The following CHAT variants were observed in gnomAD, a reference collection of about 807,000 sequenced individuals.
The protein encoded by CHAT is acetyl CoA:choline O-acetyltransferase.
A neutral mutation model predicts 76.9 loss-of-function variants in CHAT; 61 were observed. That is an observed-to-expected ratio of 0.79 (90% CI 0.65 to 0.98). CHAT has a LOEUF of 0.98. Among genes scored for constraint, CHAT ranks in the 50% least tolerant of loss-of-function variants. The probability of loss-of-function intolerance (pLI) is 0.00; values close to 1 mark genes in which losing one functional copy is unlikely to be tolerated. For missense variants in CHAT, 946 were observed against 986.9 expected, an observed-to-expected ratio of 0.96 and a Z score of 0.56; for synonymous variants, 407 against 397.4, an observed-to-expected ratio of 1.02 and a Z score of -0.29.
At chr10:49,616,038 T>A (rs752801376) in intron 1 of CHAT, 1 of 1,613,846 alleles carries the variant, frequency 6.2e-7, no homozygotes, top group East Asian at 2.2e-5. Context: ...GAATTCACCC[T>A]ACTCCACACC....
chr10:49,635,234 G>A (rs1839257974), intron 7 of CHAT, among the ~76,000 whole-genome samples: 1 of 152,172 alleles, frequency 6.6e-6, no homozygotes, highest in Admixed American at 6.5e-5. Context: ...TTCTCCGGAT[G>A]GAGATTTATC....
intron 6 of CHAT, among the ~76,000 whole-genome samples, chr10:49,626,483 G>A (rs191928376): frequency 1.5e-3 from 226 of 152,304 alleles, no homozygotes; most frequent in Non-Finnish European, 2.9e-3. Context: ...CACATTTTTA[G>A]TAAGTTGGGA....
rs958097530 is a variant in CHAT at position 49,622,597 on chromosome 10, C to T, written c.752+447C>T. Reference sequence around the variant, plus strand: ...AGGCTGTTCTGACAGATGGAGAGGGCTGCTCAAGCACCGCAGGCTCTCTTT... The same window carrying T: ...AGGCTGTTCTGACAGATGGAGAGGGTTGCTCAAGCACCGCAGGCTCTCTTT... On this transcript the variant is annotated intron_variant, in intron 5 of 14. Transcript: ENST00000337653. Among the ~76,000 whole-genome samples the T allele has an allele frequency of 5.9e-5, 9 of 152,160 alleles. No individual in the cohort carries two copies. In the East Asian group the frequency reaches 1.7e-3, roughly 29 times the overall value.
At position 49,631,950 on chromosome 10, in the gene CHAT, G is replaced by A. The variant is rs368403837; in HGVS notation, c.1111+4165G>A. 3.4e-4 allele frequency among the ~76,000 whole-genome samples: 51 copies of A among 151,512 alleles called. No individual in the cohort carries two copies. The East Asian group carries it at 6.6e-3, about 20-fold the overall frequency. On this transcript the variant is annotated intron_variant, in intron 7 of 14. Coordinates refer to ENST00000337653, the MANE Select transcript of CHAT (RefSeq NM_020549.5). Reference sequence around the variant, plus strand: ...GATATTGGCGCAGCACAGAAACAAGGGGGATGATGGTTATTGGGGGGGTAA... The same window carrying A: ...GATATTGGCGCAGCACAGAAACAAGAGGGATGATGGTTATTGGGGGGGTAA...
At chr10:49,638,230 T>C (rs76881621) in intron 7 of CHAT, among the ~76,000 whole-genome samples, 4,264 of 152,354 alleles carry the variant, frequency 0.028, 58 homozygotes, top group Middle Eastern at 0.034. Flanking sequence ...TAAAGTGTAC[T>C]TTACCTGACA....
At chr10:49,620,663 G>T (rs1838673842) in intron 4 of CHAT, 50 bp downstream of exon 4, 2 of 1,441,728 alleles carry the variant, frequency 1.4e-6, no homozygotes, top group East Asian at 4.6e-5. Flanking sequence ...ACCCAAGGCA[G>T]GGGCCCTTAC....
At chr10:49,658,391 C>T (rs1316375066) in intron 13 of CHAT, among the ~76,000 whole-genome samples, 1 of 152,190 alleles carries the variant, frequency 6.6e-6, no homozygotes, top group Non-Finnish European at 1.5e-5. Context: ...GTTGCACATG[C>T]CTGCAATCCC....
intron 1 of CHAT, chr10:49,615,921 C>T: frequency 2.0e-6 from 2 of 1,006,402 alleles, no homozygotes; most frequent in Non-Finnish European, 3.0e-6. Flanking sequence ...CCTGCCCTGG[C>T]CACAGGCCAG....
intron 7 of CHAT, among the ~76,000 whole-genome samples, chr10:49,633,773 G>A (rs1010339378): frequency 3.9e-5 from 6 of 152,228 alleles, no homozygotes; most frequent in African/African-American, 1.4e-4. Context: ...TTTCCTGGGT[G>A]CTGCCGTGAA....
intron 7 of CHAT, among the ~76,000 whole-genome samples, chr10:49,634,798 C>A (rs1247570730): frequency 2.0e-5 from 3 of 152,150 alleles, no homozygotes; most frequent in Non-Finnish European, 2.9e-5. Flanking sequence ...GCTCTTTATA[C>A]CCTCTGCCTT....
In CHAT at chr10:49,614,139, A is replaced by G. The variant is rs934682994; in HGVS notation, c.-51A>G. The G allele has an allele frequency of 6.7e-7, 1 of 1,481,706 alleles. No individual in the cohort carries two copies. The highest frequency in any genetic ancestry group is 9.0e-7 in the Non-Finnish European group (1 of 1,111,178). The allele number at this position is 1,481,706 out of a possible 1,614,324, so 91.8% of individuals were successfully genotyped here. On this transcript the variant is annotated 5_prime_UTR_variant, in exon 1 of 15. Transcript: ENST00000337653. ...AGTTCCTCCGGGAAGCGCTCCGGGT[A>G]GATTCTGGGGGCCGGGAGCTGAGAT...
chr10:49,639,664 C>A (rs1253611695), intron 7 of CHAT, among the ~76,000 whole-genome samples: 1 of 151,732 alleles, frequency 6.6e-6, no homozygotes, highest in African/African-American at 2.4e-5. Flanking sequence ...CTTTATTTTT[C>A]AAAAGTTTGA....
Position 49,646,586 on chromosome 10 carries a change from T to C in CHAT, c.1193T>C (p.Leu398Pro). 1 of 1,614,170 alleles carries C rather than the reference T, an allele frequency of 6.2e-7. No homozygotes were observed. ...VCLDAPGGVE[L>P]SDTHRALQLL... ...CTGGACGCGCCAGGAGGCGTGGAGC[T>C]CAGCGACACCCACAGGGCACTCCAG... Residue 398 changes from leucine to proline, a missense_variant, in exon 8 of 15, where the codon CTC becomes CCC. Around this residue, in one of 3 missense-constraint regions of CHAT, gnomAD observed 49 missense variants for 76.7 expected, o/e 0.64. Transcript: ENST00000337653.
At chr10:49,622,004 A>ACGAGGGAAGGAGGGAGGGGAGGC in intron 4 of CHAT, 93 bp from the exon 5 acceptor site, 1 of 1,425,390 alleles carries the variant, frequency 7.0e-7, no homozygotes, top group Non-Finnish European at 9.9e-7. Flanking sequence ...AGATGGAAGG[A>ACGAGGGAAGGAGGGAGGGGAGGC]AGAGGGAAGG....
chr10:49,648,351 C>T (rs1302328034), intron 8 of CHAT, among the ~76,000 whole-genome samples, 156 bp from the exon 9 acceptor site: 1 of 152,196 alleles, frequency 6.6e-6, no homozygotes, highest in East Asian at 1.9e-4. Context: ...TCTCAGGCCA[C>T]TGCAATCACA....
upstream of CHAT, chr10:49,609,277 G>A (rs773065925): frequency 6.6e-6 from 1 of 152,170 alleles, no homozygotes; most frequent in African/African-American, 2.4e-5. Context: ...CCCAAGAAGG[G>A]TTTCTTACAG....
chr10:49,659,398 A>G (rs6537547), intron 13 of CHAT, among the ~76,000 whole-genome samples: 1 of 151,986 alleles, frequency 6.6e-6, no homozygotes, highest in African/African-American at 2.4e-5. Context: ...CTGAAAAAAA[A>G]CAGAAGATTT....
chr10:49,612,433 C>T, upstream of CHAT: 1 of 1,260,394 alleles, frequency 7.9e-7, no homozygotes, highest in Non-Finnish European at 1.1e-6. Flanking sequence ...GGCCCACCTC[C>T]TCCAGCGAGT....
At chr10:49,620,411 G>C (rs535647356) in intron 3 of CHAT, 84 bp from the exon 4 acceptor site, 121 of 908,284 alleles carry the variant, frequency 1.3e-4, no homozygotes, top group Non-Finnish European at 2.1e-4. Flanking sequence ...TAATGCTCTG[G>C]TGAAGTGTCC....
Sources: allele counts gnomAD v4.1 joint callset (sites outside exome capture counted in the v4.1 genomes callset), GRCh38; gene constraint gnomAD v4.1.1; regional missense constraint gnomAD v4.1.1; transcripts MANE v1.5; gene names NCBI Gene and HGNC (gene_info 2026-07-23, HGNC 2026-07-21).